The following NEK11 variants were observed in gnomAD, a reference collection of about 807,000 sequenced individuals.
NEK11 encodes the protein serine/threonine-protein kinase Nek11.
NEK11 carries 72 observed loss-of-function variants against 80.7 expected under a neutral mutation model. The ratio of observed to expected loss-of-function variants is 0.89; its 90% CI spans 0.74 to 1.08. The LOEUF (loss-of-function observed/expected upper bound fraction) is 1.08. NEK11 is among the 50% of genes least tolerant of loss of function. NEK11 has a pLI of 0.00. For missense variants in NEK11, 764 were observed against 763.6 expected (o/e 1.00, Z -0.01); for synonymous variants, 251 against 260.7 (o/e 0.96, Z 0.36).
intron 17 of NEK11, among the ~76,000 whole-genome samples, chr3:131,303,253 C>T (rs984127082): frequency 1.3e-5 from 2 of 152,162 alleles, no homozygotes; most frequent in Admixed American, 1.3e-4. Flanking sequence ...TTGAAGACAG[C>T]ATATAGTTGG....
In NEK11 at chr3:131,109,725, T is replaced by A. The variant is rs901456821; in HGVS notation, c.337-78T>A. 4 of 1,341,872 alleles carry A rather than the reference T, an allele frequency of 3.0e-6. No homozygotes were observed. The African/African-American group carries it at 6.1e-5, about 20-fold the overall frequency. 83.1% of individuals were successfully genotyped at this position (1,341,872 alleles called of 1,614,324 possible). Reference sequence around the variant, plus strand: ...ACTTTCTTATAAACAGTGACTGCTATGTATTAACTGTTGTTAAGTGAACTT... The same window carrying A: ...ACTTTCTTATAAACAGTGACTGCTAAGTATTAACTGTTGTTAAGTGAACTT... On this transcript the variant is annotated intron_variant, in intron 4 of 17. Coordinates refer to ENST00000383366, the MANE Select transcript of NEK11 (RefSeq NM_024800.5).
At chr3:131,212,834 A>G (rs1006874393) in intron 14 of NEK11, among the ~76,000 whole-genome samples, 2 of 152,196 alleles carry the variant, frequency 1.3e-5, no homozygotes, top group African/African-American at 4.8e-5. Context: ...TGGCTAGGCC[A>G]TGGTAGTTTG....
chr3:131,341,376 ATT>A (rs535415184), intron 17 of NEK11, among the ~76,000 whole-genome samples: 305 of 152,308 alleles, frequency 2.0e-3, no homozygotes, highest in South Asian at 0.012. Flanking sequence ...TAACAATTTT[ATT>A]GTGGTCAGAC....
At chr3:131,170,715 G>T (rs1051777194) in intron 13 of NEK11, 58 bp from the exon 14 acceptor site, 10 of 999,880 alleles carry the variant, frequency 1.0e-5, no homozygotes, top group Middle Eastern at 4.2e-4. Flanking sequence ...TTTTTCATTT[G>T]TGGTAGTGCT....
intron 17 of NEK11, among the ~76,000 whole-genome samples, chr3:131,282,607 T>G (rs997260117): frequency 1.2e-4 from 19 of 152,286 alleles, no homozygotes; most frequent in Middle Eastern, 3.4e-3. Flanking sequence ...CACAGGGATT[T>G]TCTATAAATA....
intron 15 of NEK11, among the ~76,000 whole-genome samples, chr3:131,235,321 G>C (rs2095412554): frequency 6.6e-6 from 1 of 152,112 alleles, no homozygotes; most frequent in South Asian, 2.1e-4. Context: ...TGTTTCCCTA[G>C]CTATCATCAG....
intron 16 of NEK11, among the ~76,000 whole-genome samples, chr3:131,251,769 T>A (rs986642550): frequency 6.6e-6 from 1 of 152,054 alleles, no homozygotes; most frequent in Non-Finnish European, 1.5e-5. Context: ...TATGATGACC[T>A]CTTATTGTGT....
intron 3 of NEK11, among the ~76,000 whole-genome samples, chr3:131,042,949 G>A (rs1264124540): frequency 6.6e-6 from 1 of 152,234 alleles, no homozygotes; most frequent in Non-Finnish European, 1.5e-5. Flanking sequence ...TGCAGCCTCT[G>A]CTGGTGATAC....
chr3:131,333,053 A>T (rs956448713), intron 17 of NEK11, among the ~76,000 whole-genome samples: 46 of 152,258 alleles, frequency 3.0e-4, no homozygotes, highest in African/African-American at 1.0e-3. Context: ...GCAGGATATT[A>T]TCCAAGAGAA....
At chr3:131,295,446 G>A (rs1299265454) in intron 17 of NEK11, among the ~76,000 whole-genome samples, 1 of 152,028 alleles carries the variant, frequency 6.6e-6, no homozygotes, top group African/African-American at 2.4e-5. Flanking sequence ...TTGGATTTTT[G>A]GATTAGGGAT....
chr3:131,167,873 A>G (rs921366450), intron 12 of NEK11, among the ~76,000 whole-genome samples: 18 of 152,356 alleles, frequency 1.2e-4, no homozygotes, highest in Middle Eastern at 3.4e-3. Context: ...TGTTCTGGAC[A>G]AAGACTGTGG....
chr3:131,237,634 C>T lies in NEK11; in HGVS notation c.1561-5802C>T, dbSNP rs373788320. Among the ~76,000 whole-genome samples the T allele has an allele frequency of 5.0e-4, 76 of 151,704 alleles. 1 individual carries two copies. In the South Asian group the frequency reaches 0.013, roughly 27 times the overall value. The stretch of plus-strand genomic sequence containing the variant: ...ATAGACATCCTGAAATAAGCATGTA[C>T]GAAAGAACTCTAGACTCACATATCC... On this transcript the variant is annotated intron_variant, in intron 15 of 17. Coordinates refer to ENST00000383366, the MANE Select transcript of NEK11 (RefSeq NM_024800.5).
chr3:131,195,450 C>G (rs1465767321), intron 14 of NEK11, among the ~76,000 whole-genome samples: 1 of 149,782 alleles, frequency 6.7e-6, no homozygotes, highest in Non-Finnish European at 1.5e-5. Context: ...GTCTGTTTGT[C>G]TTGGAAGCCA....
At chr3:131,313,370 A>G (rs1037948107) in intron 17 of NEK11, among the ~76,000 whole-genome samples, 3 of 152,104 alleles carry the variant, frequency 2.0e-5, no homozygotes, top group African/African-American at 7.2e-5. Context: ...TGGTAGTTCT[A>G]TTTTAGCTTT....
In NEK11 at chr3:131,181,804, T is replaced by G. The variant is rs141169613; in HGVS notation, c.1399+10917T>G. ...TTGTGTTATGTTAAATCACAAAATT[T>G]GTGGTCATTTGTCACAGTAGACATA... On this transcript the variant is annotated intron_variant, in intron 14 of 17. Transcript: ENST00000383366. 3.0e-3 allele frequency among the ~76,000 whole-genome samples: 452 copies of G among 151,356 alleles called. 1 individual carries two copies. The highest frequency in any genetic ancestry group is 0.01 in the African/African-American group (431 of 41,382).
intron 14 of NEK11, chr3:131,174,711 A>T: frequency 1.3e-6 from 2 of 1,568,584 alleles, no homozygotes; most frequent in Non-Finnish European, 8.7e-7. Flanking sequence ...TTGCACATTA[A>T]TTTTTGCCAG....
intron 3 of NEK11, among the ~76,000 whole-genome samples, chr3:131,060,931 T>A (rs1411751675): frequency 2.6e-5 from 4 of 152,234 alleles, no homozygotes; most frequent in Non-Finnish European, 5.9e-5. Context: ...AATGTGCTTA[T>A]TGGCCATGTG....
chr3:131,088,600 T>C lies in NEK11; in HGVS notation c.336+8012T>C, dbSNP rs188976362. Among the ~76,000 whole-genome samples, 7 of 152,338 alleles carry C rather than the reference T, an allele frequency of 4.6e-5. No individual in the cohort carries two copies. The East Asian group carries it at 1.2e-3, about 25-fold the overall frequency. ...AATGGTTTTTTTTTAAAAAACCCTG[T>C]GCTTTATAGATAAAAGCATTATTTC... On this transcript the variant is annotated intron_variant, in intron 4 of 17. Coordinates refer to ENST00000383366, the MANE Select transcript of NEK11 (RefSeq NM_024800.5).
At chr3:131,146,357 A>G (rs1019425234) in intron 7 of NEK11, among the ~76,000 whole-genome samples, 3 of 152,136 alleles carry the variant, frequency 2.0e-5, no homozygotes, top group Non-Finnish European at 4.4e-5. Flanking sequence ...TTGGATGAGA[A>G]CTAATACCAA....
Sources: gnomAD v4.1 joint callset for allele counts (sites outside exome capture counted in the v4.1 genomes callset) on GRCh38, gnomAD v4.1.1 for gene constraint, MANE v1.5 for transcripts, NCBI Gene and HGNC (gene_info 2026-07-23, HGNC 2026-07-21) for gene names.